Variants in GPR158 observed in about 807,000 individuals in gnomAD.
The protein encoded by GPR158 is metabotropic glycine receptor.
Under a neutral mutation model 78.2 loss-of-function variants are expected in GPR158, and 30 were observed. That is an observed-to-expected ratio of 0.38 (90% CI 0.29 to 0.52). The LOEUF (loss-of-function observed/expected upper bound fraction) is 0.52, where lower values mean the gene tolerates loss of function less well. Ranked by LOEUF, GPR158 falls within the 20% of genes least tolerant of loss-of-function variation. The pLI is 0.83. For synonymous variants in GPR158, 581 were observed against 591.1 expected, an observed-to-expected ratio of 0.98 and a Z score of 0.25; for missense variants, 1,463 against 1,523.5, an observed-to-expected ratio of 0.96 and a Z score of 0.66.
At chr10:25,486,245 C>A (rs907938499) in intron 5 of GPR158, among the ~76,000 whole-genome samples, 1 of 152,084 alleles carries the variant, frequency 6.6e-6, no homozygotes, top group South Asian at 2.1e-4. Flanking sequence ...CAACTTTGAC[C>A]TTCTTCATTC....
intron 5 of GPR158, among the ~76,000 whole-genome samples, chr10:25,486,849 C>T (rs1271646572): frequency 6.7e-6 from 1 of 149,714 alleles, no homozygotes; most frequent in Non-Finnish European, 1.5e-5. Context: ...TATGAATTAC[C>T]AGGAAAGTGA....
intron 2 of GPR158, among the ~76,000 whole-genome samples, chr10:25,336,387 T>C (rs1855207012): frequency 6.6e-6 from 1 of 152,072 alleles, no homozygotes; most frequent in African/African-American, 2.4e-5. Flanking sequence ...TTGGCTGTTA[T>C]AGCAGGTGTT....
At chr10:25,345,482 AT>A (rs1487295598) in intron 2 of GPR158, among the ~76,000 whole-genome samples, 1 of 151,990 alleles carries the variant, frequency 6.6e-6, no homozygotes, top group Non-Finnish European at 1.5e-5. Context: ...ATTTTTATAA[AT>A]TTAAACATAA....
intron 2 of GPR158, among the ~76,000 whole-genome samples, chr10:25,249,966 A>G (rs1203981445): frequency 3.8e-4 from 54 of 141,320 alleles, no homozygotes; most frequent in African/African-American, 1.5e-3. Flanking sequence ...TTGGTAAGCT[A>G]TTGATTATTG....
chr10:25,511,586 G>A (rs904824396), intron 5 of GPR158, among the ~76,000 whole-genome samples: 6 of 151,934 alleles, frequency 3.9e-5, no homozygotes, highest in Non-Finnish European at 5.9e-5. Context: ...ATTTGCTTTC[G>A]GGTTCTTGGT....
intron 5 of GPR158, among the ~76,000 whole-genome samples, chr10:25,494,963 C>T (rs559025486): frequency 1.5e-4 from 23 of 152,084 alleles, no homozygotes; most frequent in Non-Finnish European, 2.6e-4. Flanking sequence ...CCAGAGCACA[C>T]GTCCCATATT....
chr10:25,399,828 C>T (rs1168549012), intron 3 of GPR158, among the ~76,000 whole-genome samples: 2 of 152,016 alleles, frequency 1.3e-5, no homozygotes, highest in East Asian at 3.9e-4. Context: ...TTTATTAGGC[C>T]TCTTCATCAT....
chr10:25,460,194 C>CT (rs778099736), intron 4 of GPR158, among the ~76,000 whole-genome samples: 190 of 143,308 alleles, frequency 1.3e-3, no homozygotes, highest in Middle Eastern at 7.4e-3. Flanking sequence ...CAGAGATTTT[C>CT]TTTTTTTTTT....
chr10:25,175,897 G>T lies in GPR158; in HGVS notation c.477G>T (p.Ala159=), dbSNP rs1852523697. ...AGGACGACCTGGATTGGTACCAGGC[G>T]CTGGTGTGGAGCCTTCTGGAGGGCG... is the stretch of plus-strand genomic sequence containing the variant. ...NLQDDLDWYQ[A]LVWSLLEGEP... The change falls in exon 1 of 11, where the codon GCG becomes GCT. Residue 159 remains alanine (A), a synonymous_variant. Transcript: ENST00000376351. The surrounding 1 kb of genome is among the most constrained non-coding windows in gnomAD (Gnocchi z 6.4). The T allele has an allele frequency of 6.2e-7, 1 of 1,613,740 alleles. No homozygotes were observed. The highest frequency in any genetic ancestry group is 1.7e-5 in the Admixed American group (1 of 60,016).
intron 6 of GPR158, among the ~76,000 whole-genome samples, chr10:25,560,050 A>G (rs921259366): frequency 1.3e-5 from 2 of 152,208 alleles, no homozygotes; most frequent in African/African-American, 4.8e-5. Context: ...AGTTTCATTG[A>G]CAGTGTGACT....
At chr10:25,372,438 A>G (rs7072908) in intron 2 of GPR158, among the ~76,000 whole-genome samples, 112,593 of 139,694 alleles carry the variant, frequency 0.81, 46,461 homozygotes, top group Non-Finnish European at 0.87. Context: ...ATTCACAATA[A>G]CAAAGACTTG....
intron 1 of GPR158, among the ~76,000 whole-genome samples, chr10:25,179,173 A>C (rs1852581524): frequency 6.6e-6 from 1 of 152,250 alleles, no homozygotes; most frequent in Non-Finnish European, 1.5e-5. Context: ...TTTATCATCT[A>C]AGATATGCAT....
chr10:25,575,880 TTCTTA>T (rs1007722248), intron 7 of GPR158, among the ~76,000 whole-genome samples: 1 of 151,692 alleles, frequency 6.6e-6, no homozygotes, highest in Non-Finnish European at 1.5e-5. Flanking sequence ...TCCACATTTA[TTCTTA>T]TCTTTTCTCC....
At position 25,324,128 on chromosome 10, in the gene GPR158, CT is replaced by C. The variant is rs545207443; in HGVS notation, c.1009-71782del. Among the ~76,000 whole-genome samples, 504 of 152,306 alleles carry C rather than the reference CT, an allele frequency of 3.3e-3. 2 individuals are homozygous for C. Among genetic ancestry groups the C allele is most frequent in the African/African-American group, 0.011 (465 of 41,580 alleles). On this transcript the variant is annotated intron_variant, in intron 2 of 10. Coordinates refer to ENST00000376351, the MANE Select transcript of GPR158 (RefSeq NM_020752.3). ...TTTTGCCTTCTTATTTGTGTGTTTA[CT>C]GGTGTAACACTTTTAATTTCCTTCA... is the stretch of plus-strand genomic sequence containing the variant.
intron 7 of GPR158, among the ~76,000 whole-genome samples, chr10:25,584,174 T>C (rs1837238702): frequency 6.6e-6 from 1 of 152,204 alleles, no homozygotes; most frequent in African/African-American, 2.4e-5. Context: ...CTCATGCCTT[T>C]CATCAAAATT....
intron 5 of GPR158, among the ~76,000 whole-genome samples, chr10:25,516,318 G>C (rs1319892977): frequency 2.0e-5 from 3 of 149,184 alleles, no homozygotes; most frequent in Admixed American, 6.6e-5. Flanking sequence ...CATGTTGTAG[G>C]TTGCCTGTTC....
chr10:25,251,721 A>T (rs1443870680), intron 2 of GPR158, among the ~76,000 whole-genome samples: 5 of 143,478 alleles, frequency 3.5e-5, no homozygotes, highest in African/African-American at 1.3e-4. Context: ...GGGTAACCCG[A>T]CCTTTCTCTC....
Position 25,518,187 on chromosome 10 carries a change from T to A in GPR158, c.1405-32789T>A, listed in dbSNP as rs1171464510. The stretch of plus-strand genomic sequence containing the variant: ...AGGTGTTTGTAGTATTCTCTGATGG[T>A]AGTTTGTATTTCTGTGGGATTGGTG... On this transcript the variant is annotated intron_variant, in intron 5 of 10. Coordinates refer to ENST00000376351, the MANE Select transcript of GPR158 (RefSeq NM_020752.3). 5.7e-5 allele frequency among the ~76,000 whole-genome samples: 5 copies of A among 87,626 alleles called. 1 individual carries two copies. The highest frequency in any genetic ancestry group is 1.1e-4 in the Non-Finnish European group (5 of 44,920). The allele number at this position is 87,626 out of a possible 152,430, so 57.5% of individuals were successfully genotyped here.
intron 7 of GPR158, among the ~76,000 whole-genome samples, chr10:25,585,559 G>A (rs939349464): frequency 6.6e-6 from 1 of 152,346 alleles, no homozygotes; most frequent in Middle Eastern, 3.4e-3. Flanking sequence ...AGGAGGCTTT[G>A]TGATAGAAAT....
Sources: gnomAD v4.1 joint callset for allele counts (sites outside exome capture counted in the v4.1 genomes callset) on GRCh38, gnomAD v4.1.1 for gene constraint, Gnocchi (gnomAD v3.1) non-coding constraint, MANE v1.5 for transcripts, NCBI Gene and HGNC (gene_info 2026-07-23, HGNC 2026-07-21) for gene names.